The following SUB1 variants were observed in gnomAD, a reference collection of about 807,000 sequenced individuals.
SUB1 encodes the protein SUB1 regulator of transcription.
In SUB1, 1 loss-of-function variant was observed where a neutral mutation model predicts 16.9. That is an observed-to-expected ratio of 0.06 (90% confidence interval 0.02 to 0.28). The LOEUF (loss-of-function observed/expected upper bound fraction) is 0.28. Among genes scored for constraint, SUB1 ranks in the 10% least tolerant of loss-of-function variants. The pLI is 1.00. For missense variants in SUB1, 84 were observed against 145.2 expected, an observed-to-expected ratio of 0.58 and a Z score of 2.16; for synonymous variants, 51 against 46.9, an observed-to-expected ratio of 1.09 and a Z score of -0.36.
intron 3 of SUB1, chr5:32,597,803 A>G (rs959992609): frequency 1.3e-5 from 2 of 152,196 alleles, no homozygotes; most frequent in African/African-American, 4.8e-5. Context: ...CAGTTAACAT[A>G]TATTTGTATG....
At chr5:32,589,472 T>G (rs1276901550) in intron 2 of SUB1, among the ~76,000 whole-genome samples, 1 of 152,236 alleles carries the variant, frequency 6.6e-6, no homozygotes, top group African/African-American at 2.4e-5. Flanking sequence ...TGGTACATTT[T>G]TAAGTTTGTA....
intron 1 of SUB1, chr5:32,586,281 T>C (rs72739259): frequency 0.38 from 57,785 of 152,172 alleles, 13,438 homozygotes; most frequent in Non-Finnish European, 0.52. Context: ...GGTCTTGTGC[T>C]TGTCACCTTC....
At chr5:32,591,307 C>A in intron 2 of SUB1, 1 of 289,914 alleles carries the variant, frequency 3.4e-6, no homozygotes, top group Non-Finnish European at 6.0e-6. Context: ...ACAAAATAAC[C>A]GTTCCTGTGG....
chr5:32,591,535 T>C (rs1294581342), intron 2 of SUB1, 28 bp from the exon 3 acceptor site: 1 of 1,573,206 alleles, frequency 6.4e-7, no homozygotes, highest in Non-Finnish European at 8.6e-7. Context: ...TTTTTATGTG[T>C]GCAAATTTTA....
chr5:32,600,901 A>G (rs1739099433), intron 4 of SUB1, 104 bp from the exon 5 acceptor site: 1 of 1,065,394 alleles, frequency 9.4e-7, no homozygotes. Context: ...CACCGCGCCC[A>G]GCCTAAAGTG....
intron 1 of SUB1, among the ~76,000 whole-genome samples, chr5:32,588,061 TG>T (rs1487694296): frequency 6.6e-6 from 1 of 151,260 alleles, no homozygotes. Flanking sequence ...GTGTAAATGT[TG>T]GGGTCAGTTC....
At chr5:32,599,802 G>A (rs1054544626) in intron 4 of SUB1, among the ~76,000 whole-genome samples, 2 of 151,758 alleles carry the variant, frequency 1.3e-5, no homozygotes, top group Non-Finnish European at 2.9e-5. Flanking sequence ...CAGAGTGGCC[G>A]ATGCCATATT....
rs370773608 is a variant in SUB1, at chr5:32,588,591, A to G, written c.72+7A>G. ...CAGTGAGGTTGACAAAAAGGTGACTACTGCTGCACCAAGTCATTTTGGTGA... is the reference window on the plus strand; with the variant it reads ...CAGTGAGGTTGACAAAAAGGTGACTGCTGCTGCACCAAGTCATTTTGGTGA... On this transcript the variant is annotated splice_region_variant and intron_variant, in intron 2 of 4. Transcript: ENST00000265073. 11 of 1,611,498 alleles carry G rather than the reference A, an allele frequency of 6.8e-6. No homozygotes were observed. Among genetic ancestry groups the G allele is most frequent in the Middle Eastern group, 1.7e-4 (1 of 6,036 alleles).
chr5:32,600,921 A>G lies in SUB1; in HGVS notation c.305-84A>G, dbSNP rs1328044235. On this transcript the variant is annotated intron_variant, in intron 4 of 4. Transcript: ENST00000265073. The stretch of plus-strand genomic sequence containing the variant: ...CGCCCAGCCTAAAGTGGCAATTTTG[A>G]TAAAACAGTATTCTAGTTGGAAGTA... 4.5e-6 allele frequency: 6 copies of G among 1,343,658 alleles called. No individual in the cohort carries two copies. The South Asian group carries it at 7.2e-5, about 16-fold the overall frequency. The allele number at this position is 1,343,658 out of a possible 1,614,324, so 83.2% of individuals were successfully genotyped here.
rs1450123191 is a variant in SUB1 at position 32,602,609 on chromosome 5, T to A, written c.*1525T>A. On this transcript the variant is annotated 3_prime_UTR_variant, in exon 5 of 5. Coordinates refer to ENST00000265073, the MANE Select transcript of SUB1 (RefSeq NM_006713.4). ...AAAATCATTTGCCAGGCCACATAGTTATCAATTTTTTTTTCTATCAGCTAT... is the reference window on the plus strand; with the variant it reads ...AAAATCATTTGCCAGGCCACATAGTAATCAATTTTTTTTTCTATCAGCTAT... 6.2e-6 allele frequency: 1 copy of A among 160,550 alleles called. No homozygotes were observed. The highest frequency in any genetic ancestry group is 1.4e-5 in the Non-Finnish European group (1 of 73,040). 9.9% of individuals were successfully genotyped at this position (160,550 alleles called of 1,614,324 possible).
chr5:32,601,326 A>G lies in SUB1; in HGVS notation c.*242A>G. 2.3e-6 allele frequency: 1 copy of G among 428,560 alleles called. No homozygotes were observed. Among genetic ancestry groups the G allele is most frequent in the Non-Finnish European group, 4.2e-6 (1 of 239,944 alleles). 26.5% of individuals were successfully genotyped at this position (428,560 alleles called of 1,614,324 possible). A position where few individuals can be genotyped will look rare whatever the true frequency, so the allele number is the denominator to read the frequency against. Reference sequence around the variant, plus strand: ...AGTGTAAAATAAAATCAAGTAATACAATCTTAACTGTTGTGGCCTTTTTTG... The same window carrying G: ...AGTGTAAAATAAAATCAAGTAATACGATCTTAACTGTTGTGGCCTTTTTTG... On this transcript the variant is annotated 3_prime_UTR_variant, in exon 5 of 5. Coordinates refer to ENST00000265073, the MANE Select transcript of SUB1 (RefSeq NM_006713.4).
intron 3 of SUB1, among the ~76,000 whole-genome samples, chr5:32,592,373 A>G (rs1351753614): frequency 6.6e-6 from 1 of 152,062 alleles, no homozygotes; most frequent in Non-Finnish European, 1.5e-5. Flanking sequence ...AATGGGTTGA[A>G]TAGATAAAGT....
intron 2 of SUB1, among the ~76,000 whole-genome samples, chr5:32,589,286 T>G (rs950084197): frequency 2.0e-5 from 3 of 152,130 alleles, no homozygotes; most frequent in African/African-American, 7.2e-5. Flanking sequence ...CAGGTATTGC[T>G]GTGTTGCTAA....
At chr5:32,589,324 C>T (rs1054493056) in intron 2 of SUB1, among the ~76,000 whole-genome samples, 3 of 152,116 alleles carry the variant, frequency 2.0e-5, no homozygotes, top group African/African-American at 7.2e-5. Context: ...TGGCCTCAGG[C>T]AATTCTTCTG....
intron 1 of SUB1, among the ~76,000 whole-genome samples, chr5:32,586,780 A>C (rs1457868269): frequency 6.6e-6 from 1 of 152,268 alleles, no homozygotes; most frequent in Non-Finnish European, 1.5e-5. Flanking sequence ...AATGGAGCAG[A>C]AACAGGAAAA....
chr5:32,590,121 C>T (rs1738780375), intron 2 of SUB1, among the ~76,000 whole-genome samples: 1 of 152,042 alleles, frequency 6.6e-6, no homozygotes, highest in South Asian at 2.1e-4. Flanking sequence ...ATACTTAGAG[C>T]CTGATTTATA....
chr5:32,596,808 T>C (rs571739170), intron 3 of SUB1: 4 of 152,342 alleles, frequency 2.6e-5, no homozygotes, highest in Admixed American at 6.5e-5. Context: ...TACTATATTA[T>C]AGTGAGTCTT....
At chr5:32,590,080 T>C (rs1738779505) in intron 2 of SUB1, among the ~76,000 whole-genome samples, 1 of 152,222 alleles carries the variant, frequency 6.6e-6, no homozygotes, top group Admixed American at 6.5e-5. Context: ...ATTGAGCTTT[T>C]ATTTGCCAGA....
Position 32,601,352 on chromosome 5 carries a change from A to C in SUB1, c.*268A>C, listed in dbSNP as rs1298223942. 8.5e-6 allele frequency: 3 copies of C among 354,738 alleles called. No individual in the cohort carries two copies. The highest frequency in any genetic ancestry group is 1.7e-3 in the Middle Eastern group (2 of 1,196). 22.0% of individuals were successfully genotyped at this position (354,738 alleles called of 1,614,324 possible). A position where few individuals can be genotyped will look rare whatever the true frequency, so the allele number is the denominator to read the frequency against. On this transcript the variant is annotated 3_prime_UTR_variant, in exon 5 of 5. Coordinates refer to ENST00000265073, the MANE Select transcript of SUB1 (RefSeq NM_006713.4). ...ATCTTAACTGTTGTGGCCTTTTTTG[A>C]TCATAAGAGTTGGTACTGTTTAAGG...
Sources: allele counts gnomAD v4.1 joint callset (sites outside exome capture counted in the v4.1 genomes callset), GRCh38; gene constraint gnomAD v4.1.1; transcripts MANE v1.5; gene names NCBI Gene and HGNC (gene_info 2026-07-23, HGNC 2026-07-21).